Variants in SORCS3 observed in about 807,000 individuals in gnomAD.
SORCS3 encodes the protein sortilin related VPS10 domain containing receptor 3.
In SORCS3, 57 loss-of-function variants were observed where a neutral mutation model predicts 146.3. The observed-to-expected ratio is 0.39, with a 90% CI of 0.31 to 0.49. The LOEUF is 0.49. Among genes scored for constraint, SORCS3 ranks in the 20% least tolerant of loss-of-function variants. The pLI is 0.92. For synonymous variants in SORCS3, 653 were observed against 618.5 expected (o/e 1.06, Z -0.83); for missense variants, 1,341 against 1,575.5 (o/e 0.85, Z 2.52).
chr10:104,789,769 G>A (rs950404334), intron 1 of SORCS3, among the ~76,000 whole-genome samples: 1 of 152,182 alleles, frequency 6.6e-6, no homozygotes, highest in Non-Finnish European at 1.5e-5. Flanking sequence ...ATGTGGGGAT[G>A]GGCTCTGTCT....
At chr10:104,705,410 T>G (rs2016325577) in intron 1 of SORCS3, among the ~76,000 whole-genome samples, 1 of 152,144 alleles carries the variant, frequency 6.6e-6, no homozygotes, top group African/African-American at 2.4e-5. Context: ...TATTTTATAC[T>G]TTTCCCACTC....
At chr10:105,201,384 G>A (rs2056573856) in intron 16 of SORCS3, 131 bp downstream of exon 16, 2 of 1,136,766 alleles carry the variant, frequency 1.8e-6, no homozygotes, top group East Asian at 5.0e-5. Flanking sequence ...TGGCCTGTGG[G>A]CCCATCCATC....
At chr10:105,101,676 A>C (rs2055786155) in intron 6 of SORCS3, among the ~76,000 whole-genome samples, 1 of 152,158 alleles carries the variant, frequency 6.6e-6, no homozygotes, top group South Asian at 2.1e-4. Context: ...GGTGGCCTCG[A>C]ATACACTTGC....
At chr10:105,216,038 A>G (rs911249874) in intron 18 of SORCS3, among the ~76,000 whole-genome samples, 5 of 151,994 alleles carry the variant, frequency 3.3e-5, no homozygotes, top group African/African-American at 1.2e-4. Flanking sequence ...TAAGAAGCTA[A>G]GTGTTGGCTT....
At chr10:104,875,968 C>T (rs765834155) in intron 2 of SORCS3, among the ~76,000 whole-genome samples, 4 of 152,088 alleles carry the variant, frequency 2.6e-5, no homozygotes, top group Non-Finnish European at 5.9e-5. Flanking sequence ...CAAACATAAA[C>T]CCACAGGCTC....
intron 4 of SORCS3, among the ~76,000 whole-genome samples, chr10:105,006,330 C>G (rs1275996207): frequency 6.6e-6 from 1 of 152,126 alleles, no homozygotes; most frequent in Non-Finnish European, 1.5e-5. Flanking sequence ...AGCAAATTGT[C>G]TTGACCTACT....
At chr10:104,724,479 T>A (rs1316616925) in intron 1 of SORCS3, among the ~76,000 whole-genome samples, 1 of 152,130 alleles carries the variant, frequency 6.6e-6, no homozygotes, top group Non-Finnish European at 1.5e-5. Context: ...TCGAGGAGTA[T>A]CTTTGTGGCG....
rs189790900 is a variant in SORCS3 at position 104,736,860 on chromosome 10, C to T, written c.627+94906C>T. Among the ~76,000 whole-genome samples the T allele has an allele frequency of 4.1e-3, 616 of 151,704 alleles. 3 individuals are homozygous for T. Among genetic ancestry groups the T allele is most frequent in the African/African-American group, 0.014 (565 of 41,300 alleles). ...GTTAGTTACATATGTATACATGTGC[C>T]ATGCTGGTGTGCTGCACCCATTAAC... On this transcript the variant is annotated intron_variant, in intron 1 of 26. Coordinates refer to ENST00000369701, the MANE Select transcript of SORCS3 (RefSeq NM_014978.3).
intron 2 of SORCS3, among the ~76,000 whole-genome samples, chr10:104,881,744 C>A (rs139969195): frequency 2.0e-5 from 3 of 152,218 alleles, no homozygotes; most frequent in Non-Finnish European, 2.9e-5. Context: ...GCGTCAAAAA[C>A]CAAGCAAAGC....
intron 5 of SORCS3, among the ~76,000 whole-genome samples, chr10:105,083,204 A>G (rs2133735472): frequency 6.8e-6 from 1 of 147,446 alleles, no homozygotes; most frequent in Non-Finnish European, 1.5e-5. Context: ...AGCAATAATA[A>G]TATATACTGA....
chr10:105,153,256 G>A (rs2056180339), intron 9 of SORCS3, among the ~76,000 whole-genome samples: 1 of 152,112 alleles, frequency 6.6e-6, no homozygotes, highest in African/African-American at 2.4e-5. Flanking sequence ...TTAGAATAAT[G>A]CATTTGAGAT....
chr10:105,229,769 A>T (rs2056756435), intron 20 of SORCS3, among the ~76,000 whole-genome samples: 1 of 152,120 alleles, frequency 6.6e-6, no homozygotes, highest in South Asian at 2.1e-4. Flanking sequence ...ATGCCTATTT[A>T]GGGGCCTCAG....
chr10:104,645,262 G>C (rs571435863), intron 1 of SORCS3, among the ~76,000 whole-genome samples: 1 of 152,256 alleles, frequency 6.6e-6, no homozygotes, highest in South Asian at 2.1e-4. Flanking sequence ...ATGGGTTAGA[G>C]AGTGTTTCAA....
intron 6 of SORCS3, among the ~76,000 whole-genome samples, chr10:105,098,958 C>T (rs961647273): frequency 1.3e-5 from 2 of 152,186 alleles, no homozygotes; most frequent in Admixed American, 6.5e-5. Flanking sequence ...TGGGATTCTC[C>T]TATGGGAGAT....
chr10:105,067,100 C>G (rs1047982111), intron 5 of SORCS3, among the ~76,000 whole-genome samples: 2 of 152,194 alleles, frequency 1.3e-5, no homozygotes, highest in Non-Finnish European at 2.9e-5. Flanking sequence ...TTCTTATTCT[C>G]TGCCACTGAA....
intron 1 of SORCS3, among the ~76,000 whole-genome samples, chr10:104,792,454 C>A (rs1160838514): frequency 6.6e-6 from 1 of 152,206 alleles, no homozygotes; most frequent in Non-Finnish European, 1.5e-5. Flanking sequence ...CTTTGCTTCA[C>A]TAGCTAAGCA....
chr10:105,161,623 C>G (rs892572370), intron 11 of SORCS3, among the ~76,000 whole-genome samples: 12 of 152,120 alleles, frequency 7.9e-5, no homozygotes, highest in Admixed American at 7.9e-4. Flanking sequence ...AGCAGAAACA[C>G]TAGGGTTCCT....
rs569109763 is a variant in SORCS3 at position 104,705,565 on chromosome 10, A to G, written c.627+63611A>G. 3.4e-3 allele frequency among the ~76,000 whole-genome samples: 518 copies of G among 152,334 alleles called. 3 individuals carry two copies. Among genetic ancestry groups the G allele is most frequent in the Middle Eastern group, 0.014 (4 of 294 alleles). On this transcript the variant is annotated intron_variant, in intron 1 of 26. Coordinates refer to ENST00000369701, the MANE Select transcript of SORCS3 (RefSeq NM_014978.3). The stretch of plus-strand genomic sequence containing the variant: ...TTACTTAATTAAACAATGTAATTAT[A>G]ATGACATGTAATGACAATGATAAAT...
chr10:105,093,828 A>C (rs1379622028), intron 6 of SORCS3, among the ~76,000 whole-genome samples: 1 of 152,172 alleles, frequency 6.6e-6, no homozygotes, highest in Non-Finnish European at 1.5e-5. Flanking sequence ...ATATTTTGGT[A>C]GTTTGTTATA....
Sources: allele counts gnomAD v4.1 joint callset (sites outside exome capture counted in the v4.1 genomes callset), GRCh38; gene constraint gnomAD v4.1.1; transcripts MANE v1.5; gene names NCBI Gene and HGNC (gene_info 2026-07-23, HGNC 2026-07-21).